ACE: variants seen among roughly 807,000 people sequenced by gnomAD.
ACE encodes the protein angiotensin I converting enzyme, also known as angiotensin-converting enzyme.
A neutral mutation model predicts 162.3 loss-of-function variants in ACE; 122 were observed. The observed-to-expected ratio is 0.75, with a 90% CI of 0.65 to 0.87. ACE has a LOEUF of 0.87. ACE is among the 40% of genes least tolerant of loss of function. The pLI, the probability that ACE is intolerant of heterozygous loss-of-function variation, is 0.00. For missense variants in ACE, 1,799 were observed against 1,735.1 expected, an observed-to-expected ratio of 1.04 and a Z score of -0.65; for synonymous variants, 796 against 720.6, an observed-to-expected ratio of 1.10 and a Z score of -1.68.
chr17:63,481,759 C>G, intron 7 of ACE, 21 bp downstream of exon 7: 1 of 1,613,854 alleles, frequency 6.2e-7, no homozygotes, highest in Non-Finnish European at 8.5e-7. Context: ...GGGAAGAGCA[C>G]GTTCTGGGGT....
intron 13 of ACE, among the ~76,000 whole-genome samples, chr17:63,486,107 G>A (rs1238948236): frequency 6.6e-6 from 1 of 152,178 alleles, no homozygotes; most frequent in East Asian, 1.9e-4. Flanking sequence ...ATTTGGCTGA[G>A]CACAAATTAT....
rs530341632 is a variant in ACE at position 63,480,282 on chromosome 17, A to G, written c.656-55A>G. ...GTGGAAGAGCCGACTTACAGCTGAG[A>G]GGCTGAGGTCCGAGCCTTTGGCCTG... On this transcript the variant is annotated intron_variant, in intron 4 of 24. Coordinates refer to ENST00000290866, the MANE Select transcript of ACE (RefSeq NM_000789.4). The G allele has an allele frequency of 2.5e-6, 4 of 1,587,016 alleles. No homozygotes were observed. In the South Asian group the frequency reaches 3.3e-5, roughly 13 times the overall value.
intron 22 of ACE, chr17:63,496,161 T>C: frequency 1.7e-6 from 1 of 575,072 alleles, no homozygotes; most frequent in South Asian, 1.9e-5. Flanking sequence ...TGGAGGCAGC[T>C]CTGTGGGTGG....
chr17:63,492,516 G>C (rs2030448748), intron 19 of ACE, among the ~76,000 whole-genome samples: 1 of 152,238 alleles, frequency 6.6e-6, no homozygotes, highest in African/African-American at 2.4e-5. Context: ...GAGGAGACAG[G>C]ATCTGGGGGA....
In ACE at chr17:63,477,252, A is replaced by G. The variant is rs991760634; in HGVS notation, c.158A>G (p.Tyr53Cys). ...EAGAQLFAQS[Y>C]NSSAEQVLFQ... ...GGGGCGCAGCTCTTCGCGCAGAGCT[A>G]CAACTCCAGCGCCGAACAGGTGCTG... Residue 53 changes from tyrosine (Y) to cysteine (C), a missense_variant, in exon 1 of 25, where the codon TAC becomes TGC. By Grantham distance (194) the Tyr-to-Cys change is radical. Coordinates refer to ENST00000290866, the MANE Select transcript of ACE (RefSeq NM_000789.4). 3 of 1,502,772 alleles carry G rather than the reference A, an allele frequency of 2.0e-6. No individual in the cohort carries two copies. Among genetic ancestry groups the G allele is most frequent in the Non-Finnish European group, 2.7e-6 (3 of 1,128,062 alleles). The allele number at this position is 1,502,772 out of a possible 1,614,324, so 93.1% of individuals were successfully genotyped here.
intron 4 of ACE, 122 bp downstream of exon 4, chr17:63,480,034 T>C (rs1049759561): frequency 1.4e-6 from 2 of 1,448,578 alleles, no homozygotes; most frequent in African/African-American, 2.8e-5. Flanking sequence ...GCCCTGAGTT[T>C]CCCAGAAAGT....
Position 63,477,100 on chromosome 17 carries a change from G to T in ACE, c.6G>T (p.Gly2=), listed in dbSNP as rs777383710. 7.6e-7 allele frequency: 1 copy of T among 1,311,592 alleles called. No homozygotes were observed. The highest frequency in any genetic ancestry group is 2.2e-5 in the South Asian group (1 of 46,038). The allele number at this position is 1,311,592 out of a possible 1,614,324, so 81.2% of individuals were successfully genotyped here. A position where few individuals can be genotyped will look rare whatever the true frequency, so the allele number is the denominator to read the frequency against. The change falls in exon 1 of 25, where the codon GGG becomes GGT. Residue 2 remains glycine, a synonymous_variant. Coordinates refer to ENST00000290866, the MANE Select transcript of ACE (RefSeq NM_000789.4). M[G]AASGRRGPGL... ...CGAGCACCGCGCACCGCGTCATGGG[G>T]GCCGCCTCGGGCCGCCGGGGGCCGG...
chr17:63,481,793 A>G, intron 7 of ACE, 55 bp downstream of exon 7: 1 of 1,611,452 alleles, frequency 6.2e-7, no homozygotes, highest in Non-Finnish European at 8.5e-7. Flanking sequence ...GGCCCGGGGA[A>G]AGGCAGGCAG....
intron 4 of ACE, 41 bp downstream of exon 4, chr17:63,479,953 C>T (rs775173652): frequency 1.1e-5 from 17 of 1,579,498 alleles, no homozygotes; most frequent in South Asian, 9.1e-5. Context: ...CGCCAGGTGT[C>T]CTCTCTCAGC....
In ACE at chr17:63,493,447, G is replaced by T; in HGVS notation, c.2924G>T (p.Cys975Phe). The T allele has an allele frequency of 6.2e-7, 1 of 1,613,954 alleles. No homozygotes were observed. The highest frequency in any genetic ancestry group is 8.5e-7 in the Non-Finnish European group (1 of 1,179,970). ...YNGKDFRIKQ[C>F]TTVNLEDLVV... ...TCCACTATTCCTAGGATCAAGCAGT[G>T]CACCACCGTGAACTTGGAGGACCTG... The change falls in exon 20 of 25, where the codon TGC becomes TTC. Residue 975 changes from cysteine to phenylalanine, a missense_variant. Coordinates refer to ENST00000290866, the MANE Select transcript of ACE (RefSeq NM_000789.4).
At chr17:63,495,814 A>G (rs12709440) in intron 22 of ACE, among the ~76,000 whole-genome samples, 5 of 152,368 alleles carry the variant, frequency 3.3e-5, no homozygotes, top group Non-Finnish European at 5.9e-5. Context: ...AGGAAAGACC[A>G]GGGAACTAGG....
At position 63,496,819 on chromosome 17, in the gene ACE, C is replaced by T; in HGVS notation, c.3525C>T (p.Phe1175=). Residue 1175 remains phenylalanine (F), a synonymous_variant, in exon 24 of 25, where the codon TTC becomes TTT. Coordinates refer to ENST00000290866, the MANE Select transcript of ACE (RefSeq NM_000789.4). ...QRLATAMKLG[F]SRPWPEAMQL... is the part of the protein sequence containing the mutation. ...CCAGGACCGCCATGAAGCTGGGCTT[C>T]AGTAGGCCGTGGCCGGAAGCCATGC... 6.2e-7 allele frequency: 1 copy of T among 1,612,906 alleles called. No homozygotes were observed. The highest frequency in any genetic ancestry group is 8.5e-7 in the Non-Finnish European group (1 of 1,180,040).
Position 63,481,653 on chromosome 17 carries a change from G to GGGTC in ACE, c.1035_1038dup (p.Met347ValfsTer46). 6.2e-7 allele frequency: 1 copy of GGGTC among 1,614,132 alleles called. No individual in the cohort carries two copies. Among genetic ancestry groups the GGGTC allele is most frequent in the Non-Finnish European group, 8.5e-7 (1 of 1,180,030 alleles). On this transcript the variant is annotated frameshift_variant, in exon 7 of 25. Coordinates refer to ENST00000290866, the MANE Select transcript of ACE (RefSeq NM_000789.4). LOFTEE classifies it high-confidence loss of function. ...CCCCATGCCTCCCGAGTTCTGGGAA[G>GGGTC]GGTCGATGCTGGAGAAGCCGGCCGA... is the stretch of plus-strand genomic sequence containing the variant.
chr17:63,490,600 G>A (rs752687319), intron 17 of ACE: 7 of 362,066 alleles, frequency 1.9e-5, no homozygotes, highest in Non-Finnish European at 3.7e-5. Flanking sequence ...TGTTCTTGGT[G>A]CAGAGCCAAT....
intron 19 of ACE, among the ~76,000 whole-genome samples, chr17:63,492,524 G>A (rs1347313918): frequency 6.6e-6 from 1 of 152,236 alleles, no homozygotes; most frequent in African/African-American, 2.4e-5. Flanking sequence ...AGGATCTGGG[G>A]GATGAGAGCC....
rs1466827500 is a variant in ACE, at chr17:63,484,423, G to A, written c.1803G>A (p.Lys601=). Residue 601 remains lysine, a synonymous_variant, in exon 12 of 25, where the codon AAG becomes AAA. Transcript: ENST00000290866. This position sits in a 1 kb window ranked among gnomAD's most constrained non-coding sequence, Gnocchi z 4.0. ...LDALDAQPLL[K]YFQPVTQWLQ... ...CCCTGGATGCCCAGCCGCTGCTCAA[G>A]TACTTCCAGCCAGTCACCCAGTGGC... 1.2e-6 allele frequency: 2 copies of A among 1,612,362 alleles called. No homozygotes were observed. The highest frequency in any genetic ancestry group is 8.5e-7 in the Non-Finnish European group (1 of 1,179,922).
chr17:63,488,553 C>G (rs751530804), intron 15 of ACE, 95 bp from the exon 16 acceptor site: 1 of 1,276,338 alleles, frequency 7.8e-7, no homozygotes, highest in Non-Finnish European at 1.1e-6. Context: ...TATGTGGTTT[C>G]GCCAATTTTA....
Position 63,479,754 on chromosome 17 carries a change from C to T in ACE, c.512-15C>T, listed in dbSNP as rs3730021. The stretch of plus-strand genomic sequence containing the variant: ...GTGGAGGCCTCCTCACCGACCCTGC[C>T]TGCCTGTGTCTCAGATCTCACCAAC... On this transcript the variant is annotated splice_polypyrimidine_tract_variant and intron_variant, in intron 3 of 24. Transcript: ENST00000290866. 3.0e-5 allele frequency: 48 copies of T among 1,613,054 alleles called. No homozygotes were observed. In the African/African-American group the frequency reaches 5.9e-4, roughly 20 times the overall value.
At chr17:63,481,497 G>T in intron 6 of ACE, 69 bp from the exon 7 acceptor site, 2 of 1,570,860 alleles carry the variant, frequency 1.3e-6, no homozygotes, top group South Asian at 1.1e-5. Context: ...CCGAGATGGG[G>T]ACCCCAGCCC....
Sources: allele counts gnomAD v4.1 joint callset (sites outside exome capture counted in the v4.1 genomes callset), GRCh38; gene constraint gnomAD v4.1.1; non-coding constraint Gnocchi (gnomAD v3.1); transcripts MANE v1.5; gene names NCBI Gene and HGNC (gene_info 2026-07-23, HGNC 2026-07-21).